The following CTC1 variants were observed in gnomAD, a reference collection of about 807,000 sequenced individuals.
CTC1 encodes CST complex subunit CTC1.
In CTC1, 91 loss-of-function variants were observed where a neutral mutation model predicts 136.3. The observed-to-expected ratio is 0.67, with a 90% CI of 0.56 to 0.79. CTC1 has a LOEUF of 0.79. CTC1 is among the 30% of genes least tolerant of loss of function. The probability of loss-of-function intolerance (pLI) is 0.00; values close to 1 mark genes in which losing one functional copy is unlikely to be tolerated. For synonymous variants in CTC1, 606 were observed against 613.8 expected, an observed-to-expected ratio of 0.99 and a Z score of 0.19; for missense variants, 1,432 against 1,498.1, an observed-to-expected ratio of 0.96 and a Z score of 0.73.
At position 8,236,072 on chromosome 17, in the gene CTC1, G is replaced by A. The variant is rs1257056219; in HGVS notation, c.1063C>T (p.Leu355Phe). Residue 355 changes from leucine to phenylalanine, a missense_variant, in exon 6 of 23, where the codon CTC becomes TTC. By Grantham distance (22) the Leu-to-Phe change is conservative. Transcript: ENST00000651323. ...DPESLVRYSR[L>F]LSYSGAVTGV... Reference sequence around the variant, plus strand: ...CCTGTGCTCACCGAATAGGATAGGAGTCTAGAATACCGGACAAGACTTTCT... The same window carrying A: ...CCTGTGCTCACCGAATAGGATAGGAATCTAGAATACCGGACAAGACTTTCT... The A allele has an allele frequency of 6.2e-7, 1 of 1,613,850 alleles. No individual in the cohort carries two copies. Among genetic ancestry groups the A allele is most frequent in the East Asian group, 2.2e-5 (1 of 44,874 alleles).
intron 8 of CTC1, 42 bp downstream of exon 8, chr17:8,235,011 T>A: frequency 6.2e-7 from 1 of 1,608,820 alleles, no homozygotes; most frequent in South Asian, 1.1e-5. Context: ...GGAAGTGTGC[T>A]ACTCCCACTG....
chr17:8,231,771 G>T lies in CTC1; in HGVS notation c.2430C>A (p.Phe810Leu). ...FFGSSVRWFEFLHPGQVYRLI... is the reference protein window; with the variant it reads ...FFGSSVRWFELLHPGQVYRLI... ...GTCGGTACACCTGTCCCGGGTGCAA[G>T]AACTCAAACCAGCGGACTGAAGAGC... Residue 810 changes from phenylalanine to leucine, a missense_variant, in exon 14 of 23, where the codon TTC becomes TTA. Transcript: ENST00000651323. 6.2e-7 allele frequency: 1 copy of T among 1,614,202 alleles called. No homozygotes were observed. Among genetic ancestry groups the T allele is most frequent in the Non-Finnish European group, 8.5e-7 (1 of 1,180,024 alleles).
rs780355193 is a variant in CTC1 at position 8,232,057 on chromosome 17, C to T, written c.2231G>A (p.Arg744His). 4.5e-6 allele frequency: 7 copies of T among 1,569,742 alleles called. No homozygotes were observed. The highest frequency in any genetic ancestry group is 3.4e-4 in the Middle Eastern group (2 of 5,812). ...LLCHKEALMK[R>H]NFCVPPGASP... is the part of the protein sequence containing the mutation. The stretch of plus-strand genomic sequence containing the variant: ...TGCTCCTGGGGGGACACAAAAATTA[C>T]GCTTCATGAGGGCCTCCTTGTGGCA... Residue 744 changes from arginine (R) to histidine (H), a missense_variant, in exon 13 of 23, where the codon CGT becomes CAT. Coordinates refer to ENST00000651323, the MANE Select transcript of CTC1 (RefSeq NM_025099.6).
At chr17:8,230,221 G>A (rs1473963749) in intron 17 of CTC1, 73 bp downstream of exon 17, 1 of 1,470,382 alleles carries the variant, frequency 6.8e-7, no homozygotes, top group East Asian at 2.3e-5. Context: ...CTGCAGCAAA[G>A]TTAAGCAGGG....
intron 1 of CTC1, among the ~76,000 whole-genome samples, chr17:8,245,162 G>C (rs990537544): frequency 6.6e-6 from 1 of 152,128 alleles, no homozygotes; most frequent in Non-Finnish European, 1.5e-5. Context: ...GGTGGGAAGA[G>C]AGAGATTGGA....
chr17:8,247,305 CTTTTTTTTT>C (rs772948223), intron 1 of CTC1, among the ~76,000 whole-genome samples: 7 of 91,264 alleles, frequency 7.7e-5, no homozygotes, highest in Admixed American at 7.0e-4. Flanking sequence ...CCTTCCGGCG[CTTTTTTTTT>C]TTTTTTTTTT....
At chr17:8,245,145 A>G (rs1988570774) in intron 1 of CTC1, among the ~76,000 whole-genome samples, 1 of 152,172 alleles carries the variant, frequency 6.6e-6, no homozygotes, top group Admixed American at 6.6e-5. Context: ...ACTGGGTCCT[A>G]CTTGAGGGTG....
At chr17:8,242,551 AAAATATATATAT>A (rs1468377850) in intron 2 of CTC1, among the ~76,000 whole-genome samples, 4 of 45,294 alleles carry the variant, frequency 8.8e-5, no homozygotes, top group East Asian at 4.3e-4. Context: ...AAAAAAAAAA[AAAATATATATAT>A]ATATATATAT....
chr17:8,242,958 G>T, intron 2 of CTC1, 27 bp downstream of exon 2: 2 of 1,587,240 alleles, frequency 1.3e-6, no homozygotes, highest in Middle Eastern at 1.9e-4. Context: ...CCCCTGCCCA[G>T]CCCCCGCAAC....
chr17:8,227,378 A>T lies in CTC1; in HGVS notation c.*802T>A, dbSNP rs1250642167. The stretch of plus-strand genomic sequence containing the variant: ...TCGGAGCACCTTCTGGTCTCAAGGT[A>T]TATCGATCAAGGATCTGCCTTAGGC... On this transcript the variant is annotated 3_prime_UTR_variant, in exon 23 of 23. Transcript: ENST00000651323. 6.6e-6 allele frequency: 1 copy of T among 152,218 alleles called. No individual in the cohort carries two copies. Among genetic ancestry groups the T allele is most frequent in the Non-Finnish European group, 1.5e-5 (1 of 68,058 alleles). 9.4% of individuals were successfully genotyped at this position (152,218 alleles called of 1,614,324 possible). A position where few individuals can be genotyped will look rare whatever the true frequency, so the allele number is the denominator to read the frequency against.
intron 10 of CTC1, 131 bp downstream of exon 10, chr17:8,234,324 C>A (rs1010057746): frequency 1.1e-6 from 1 of 885,518 alleles, no homozygotes; most frequent in Admixed American, 2.1e-5. Flanking sequence ...GGGCCAACAA[C>A]AGATGAAGTG....
At chr17:8,229,859 G>C (rs1987058521) in intron 18 of CTC1, 32 bp downstream of exon 18, 2 of 1,583,604 alleles carry the variant, frequency 1.3e-6, no homozygotes, top group Non-Finnish European at 1.7e-6. Context: ...TGTGAAGCCA[G>C]GAAGTTTAGG....
At chr17:8,235,028 C>A (rs377097486) in intron 8 of CTC1, 25 bp downstream of exon 8, 1 of 1,611,092 alleles carries the variant, frequency 6.2e-7, no homozygotes. Context: ...ACTGCCTCCC[C>A]GCCCTGGGCC....
intron 2 of CTC1, among the ~76,000 whole-genome samples, chr17:8,242,162 G>A (rs1200302325): frequency 6.6e-6 from 1 of 151,742 alleles, no homozygotes; most frequent in African/African-American, 2.4e-5. Flanking sequence ...CTGAGTAGCT[G>A]GGGATTGCAG....
Position 8,238,382 on chromosome 17 carries a change from T to C in CTC1, c.435+10A>G, listed in dbSNP as rs1987926209. On this transcript the variant is annotated intron_variant, in intron 3 of 22. Transcript: ENST00000651323. Reference sequence around the variant, plus strand: ...GGATCTGAGGCATCTGATCTCCACCTTCCACTCACCTCACAGCTCAGGACG... The same window carrying C: ...GGATCTGAGGCATCTGATCTCCACCCTCCACTCACCTCACAGCTCAGGACG... The C allele has an allele frequency of 1.2e-6, 2 of 1,609,942 alleles. No individual in the cohort carries two copies. The highest frequency in any genetic ancestry group is 1.7e-6 in the Non-Finnish European group (2 of 1,176,560).
intron 1 of CTC1, among the ~76,000 whole-genome samples, chr17:8,246,723 TAA>T (rs1195759383): frequency 1.3e-5 from 2 of 150,910 alleles, no homozygotes; most frequent in African/African-American, 4.9e-5. Flanking sequence ...CGTCTGTACT[TAA>T]AAAAAAGAAA....
rs1353041059 is a variant in CTC1 at position 8,232,145 on chromosome 17, G to A, written c.2143C>T (p.Pro715Ser). The A allele has an allele frequency of 6.6e-7, 1 of 1,524,990 alleles. No homozygotes were observed. The highest frequency in any genetic ancestry group is 2.3e-5 in the East Asian group (1 of 44,076). 94.5% of individuals were successfully genotyped at this position (1,524,990 alleles called of 1,614,324 possible). A position where few individuals can be genotyped will look rare whatever the true frequency, so the allele number is the denominator to read the frequency against. ...TCTGGGCCGGTGGGATCTGTCTGAG[G>A]TGTTGAGGGTGTTGCTGAATGAAGG... The part of the protein sequence containing the change: ...PCLHSATPST[P>S]QTDPTGPEGP... Residue 715 changes from proline (P) to serine (S), a missense_variant, in exon 13 of 23, where the codon CCT becomes TCT. Coordinates refer to ENST00000651323, the MANE Select transcript of CTC1 (RefSeq NM_025099.6).
intron 21 of CTC1, 46 bp downstream of exon 21, chr17:8,228,681 C>T (rs373500129): frequency 6.1e-5 from 99 of 1,613,832 alleles, no homozygotes; most frequent in Admixed American, 8.3e-5. Flanking sequence ...TGCCAAAAGC[C>T]CAGGAATTTG....
intron 1 of CTC1, among the ~76,000 whole-genome samples, chr17:8,247,088 G>T (rs546432217): frequency 1.3e-3 from 195 of 151,410 alleles, no homozygotes; most frequent in African/African-American, 4.5e-3. Context: ...CCACTTCCGT[G>T]GTTCCCTGCT....
Sources: allele counts gnomAD v4.1 joint callset (sites outside exome capture counted in the v4.1 genomes callset), GRCh38; gene constraint gnomAD v4.1.1; transcripts MANE v1.5; gene names NCBI Gene and HGNC (gene_info 2026-07-23, HGNC 2026-07-21).